TXNL4A: variants seen among roughly 807,000 people sequenced by gnomAD.
The protein encoded by TXNL4A is thioredoxin like 4A, also known as thioredoxin-like protein 4A.
In TXNL4A, 17 loss-of-function variants were observed where a neutral mutation model predicts 14.6. The ratio of observed to expected loss-of-function variants is 1.16; its 90% CI spans 0.80 to 1.74. TXNL4A has a LOEUF of 1.74. Among genes scored for constraint, TXNL4A ranks in the 40% most tolerant of loss-of-function variants. The probability of loss-of-function intolerance (pLI) is 0.00; values close to 1 mark genes in which losing one functional copy is unlikely to be tolerated. For missense variants in TXNL4A, 74 were observed against 195.2 expected (o/e 0.38, Z 3.70); for synonymous variants, 83 against 70.6 (o/e 1.18, Z -0.88).
Position 79,982,484 on chromosome 18 carries a change from G to A in TXNL4A, c.154-4783C>T, listed in dbSNP as rs982426653. On this transcript the variant is annotated intron_variant, in intron 1 of 2. Coordinates refer to ENST00000269601, the MANE Select transcript of TXNL4A (RefSeq NM_006701.5). This position sits in a 1 kb window ranked among gnomAD's most constrained non-coding sequence, Gnocchi z 4.0. ...TACATCCAGCAGTGATCCCAGCCAG[G>A]GTGGCAGGTGCCAGGCTTGGGAGTG... is the stretch of plus-strand genomic sequence containing the variant. Among the ~76,000 whole-genome samples the A allele has an allele frequency of 6.6e-5, 10 of 152,136 alleles. No homozygotes were observed. The highest frequency in any genetic ancestry group is 1.0e-4 in the Non-Finnish European group (7 of 68,022).
chr18:79,975,756 A>G (rs2051369604), intron 2 of TXNL4A, among the ~76,000 whole-genome samples: 2 of 152,138 alleles, frequency 1.3e-5, no homozygotes, highest in South Asian at 2.1e-4. Flanking sequence ...CGGGGTCCGC[A>G]GTTATAGGAA....
rs570318297 is a variant in TXNL4A at position 80,020,459 on chromosome 18, C to T, written c.-61+13392G>A. On this transcript the variant is annotated intron_variant, in intron 1 of 2. Transcript: ENST00000585474. ...ATTCCTCATGGCTAACTCAACCATG[C>T]AACTGCAACTGCTCAGAGGCAAGCT... Among the ~76,000 whole-genome samples the T allele has an allele frequency of 3.9e-5, 6 of 152,316 alleles. No homozygotes were observed. The South Asian group carries it at 1.2e-3, about 32-fold the overall frequency.
At chr18:79,994,299 C>T (rs750836668) in intron 1 of TXNL4A, among the ~76,000 whole-genome samples, 1 of 152,296 alleles carries the variant, frequency 6.6e-6, no homozygotes, top group African/African-American at 2.4e-5. Context: ...ACTAAGAAAC[C>T]GGAATGGGAG....
chr18:79,995,635 GAAC>G (rs1354184383), intron 1 of TXNL4A, among the ~76,000 whole-genome samples: 2 of 152,190 alleles, frequency 1.3e-5, no homozygotes, highest in East Asian at 3.8e-4. Context: ...CAGAACTAAT[GAAC>G]TAGTTAGCTG....
At chr18:80,008,718 A>G (rs1398540140) in intron 1 of TXNL4A, among the ~76,000 whole-genome samples, 1 of 152,028 alleles carries the variant, frequency 6.6e-6, no homozygotes, top group Non-Finnish European at 1.5e-5. Context: ...GGACTGTATG[A>G]GTCTGTCTCA....
chr18:79,988,311 T>C lies in TXNL4A; in HGVS notation c.82A>G (p.Ile28Val). The change falls in exon 1 of 3, where the codon ATC (isoleucine) becomes GTC (valine). Residue 28 changes from isoleucine to valine, a missense_variant. This residue lies in a region of TXNL4A where 55 missense variants were observed against 116.1 expected (regional missense o/e 0.47). Transcript: ENST00000269601. Reference sequence around the variant, plus strand: ...GGATCCCAGTCGTGGCCGAAGCGGATGACGACCACGCGGTCCTCCTCCGAG... The same window carrying C: ...GGATCCCAGTCGTGGCCGAAGCGGACGACGACCACGCGGTCCTCCTCCGAG... Reference protein sequence around the residue: ...ILSEEDRVVVIRFGHDWDPTC... With the variant: ...ILSEEDRVVVVRFGHDWDPTC... 1 of 1,602,976 alleles carries C rather than the reference T, an allele frequency of 6.2e-7. No individual in the cohort carries two copies. Among genetic ancestry groups the C allele is most frequent in the South Asian group, 1.1e-5 (1 of 89,486 alleles).
At chr18:79,989,188 C>T (rs1216225972), upstream of TXNL4A, among the ~76,000 whole-genome samples, 3 of 152,186 alleles carry the variant, frequency 2.0e-5, no homozygotes, top group East Asian at 5.8e-4. Flanking sequence ...GATCTTGGCC[C>T]ACTGCAGCCT....
chr18:80,030,755 C>G (rs1248923772), intron 1 of TXNL4A, among the ~76,000 whole-genome samples: 1 of 152,154 alleles, frequency 6.6e-6, no homozygotes, highest in East Asian at 1.9e-4. Flanking sequence ...CATTTGAGAT[C>G]AGGAGTTTCA....
intron 1 of TXNL4A, among the ~76,000 whole-genome samples, chr18:80,005,069 G>C (rs1419245289): frequency 6.6e-6 from 1 of 152,244 alleles, no homozygotes; most frequent in Non-Finnish European, 1.5e-5. Context: ...AGCCAAACGT[G>C]ACCTAGAGAC....
intron 1 of TXNL4A, among the ~76,000 whole-genome samples, chr18:79,998,105 A>G (rs1456358711): frequency 1.3e-5 from 2 of 152,046 alleles, no homozygotes; most frequent in Non-Finnish European, 2.9e-5. Flanking sequence ...CATTCTGGCT[A>G]ACACGGTGAA....
At chr18:79,989,150 A>C (rs2051605011), upstream of TXNL4A, among the ~76,000 whole-genome samples, 1 of 152,066 alleles carries the variant, frequency 6.6e-6, no homozygotes, top group African/African-American at 2.4e-5. Context: ...AAAGAAAAAA[A>C]ATTTTTTTTT....
rs202234382 is a variant in TXNL4A at position 79,973,668 on chromosome 18, C to T, written c.*17G>A. On this transcript the variant is annotated 3_prime_UTR_variant, in exon 3 of 3. Transcript: ENST00000269601. ...AAAAGGGCTCCACGACATTTATCCG[C>T]GCAGACTGAGGGCGCCTCAGTAGCG... is the stretch of plus-strand genomic sequence containing the variant. The T allele has an allele frequency of 1.3e-4, 212 of 1,601,562 alleles. No individual in the cohort carries two copies. Among genetic ancestry groups the T allele is most frequent in the Admixed American group, 2.6e-4 (15 of 56,624 alleles).
Position 80,011,892 on chromosome 18 carries a change from A to G in TXNL4A, c.-61+21959T>C, listed in dbSNP as rs1457736364. Among the ~76,000 whole-genome samples, 2 of 152,134 alleles carry G rather than the reference A, an allele frequency of 1.3e-5. No individual in the cohort carries two copies. The highest frequency in any genetic ancestry group is 3.9e-4 in the East Asian group (2 of 5,194). On this transcript the variant is annotated intron_variant, in intron 1 of 2. Coordinates refer to the TXNL4A transcript ENST00000585474. The surrounding 1 kb of genome is among the most constrained non-coding windows in gnomAD (Gnocchi z 4.1). ...TTAGACACACGCCTTTGCTCGAGGAAATTCACAGAAACCGAGACTGCTAAA... is the reference window on the plus strand; with the variant it reads ...TTAGACACACGCCTTTGCTCGAGGAGATTCACAGAAACCGAGACTGCTAAA...
Position 79,993,807 on chromosome 18 carries a change from G to A in TXNL4A, c.-60-16106C>T, listed in dbSNP as rs2051642919. Among the ~76,000 whole-genome samples, 2 of 152,306 alleles carry A rather than the reference G, an allele frequency of 1.3e-5. No individual in the cohort carries two copies. The highest frequency in any genetic ancestry group is 4.1e-4 in the South Asian group (2 of 4,822). ...GGAAAGCACCTTAAGACGTGCAACA[G>A]CTCTGAGCTGGTTTTCTCCCCAGAA... is the stretch of plus-strand genomic sequence containing the variant. On this transcript the variant is annotated intron_variant, in intron 1 of 2. Transcript: ENST00000585474. The surrounding 1 kb of genome is among the most constrained non-coding windows in gnomAD (Gnocchi z 4.4).
intron 1 of TXNL4A, among the ~76,000 whole-genome samples, chr18:80,033,541 G>A (rs150148650): frequency 6.6e-6 from 1 of 152,388 alleles, no homozygotes; most frequent in Non-Finnish European, 1.5e-5. Context: ...CAAAGCCCTG[G>A]AGGGCCCAGT....
Position 79,982,781 on chromosome 18 carries a change from CAG to C in TXNL4A, c.154-5082_154-5081del, listed in dbSNP as rs1445502381. 6.6e-6 allele frequency among the ~76,000 whole-genome samples: 1 copy of C among 152,022 alleles called. No homozygotes were observed. The highest frequency in any genetic ancestry group is 2.4e-5 in the African/African-American group (1 of 41,390). ...GATAGGAGAGGCTGAAAGAGGCAGG[CAG>C]AGGGGAGCTCCCCAGCCTCCCACCA... On this transcript the variant is annotated intron_variant, in intron 1 of 2. Coordinates refer to ENST00000269601, the MANE Select transcript of TXNL4A (RefSeq NM_006701.5). This position sits in a 1 kb window ranked among gnomAD's most constrained non-coding sequence, Gnocchi z 4.0.
rs34017581 is a variant in TXNL4A at position 79,977,464 on chromosome 18, G to C, written c.257+134C>G. On this transcript the variant is annotated intron_variant, in intron 2 of 2. Coordinates refer to ENST00000269601, the MANE Select transcript of TXNL4A (RefSeq NM_006701.5). ...TTCAAAGATTCACACTGATTGCCTG[G>C]TGATACAAACGATTTTGGGACATGA... The C allele has an allele frequency of 4.9e-3, 3,441 of 696,068 alleles. 13 individuals are homozygous for C. The highest frequency in any genetic ancestry group is 7.7e-3 in the Non-Finnish European group (3,063 of 396,208). The allele number at this position is 696,068 out of a possible 1,614,324, so 43.1% of individuals were successfully genotyped here.
chr18:80,004,773 C>T (rs1347605101), intron 1 of TXNL4A, among the ~76,000 whole-genome samples: 1 of 152,202 alleles, frequency 6.6e-6, no homozygotes, highest in Non-Finnish European at 1.5e-5. Flanking sequence ...CAAGAAACCA[C>T]AAACAAAACA....
intron 1 of TXNL4A, among the ~76,000 whole-genome samples, chr18:80,017,676 T>C (rs1185019171): frequency 2.7e-5 from 4 of 150,598 alleles, no homozygotes; most frequent in Non-Finnish European, 6.0e-5. Flanking sequence ...TATTGATTTG[T>C]GTATATTGAA....
Sources: allele counts gnomAD v4.1 joint callset (sites outside exome capture counted in the v4.1 genomes callset), GRCh38; gene constraint gnomAD v4.1.1; regional missense constraint gnomAD v4.1.1; non-coding constraint Gnocchi (gnomAD v3.1); transcripts MANE v1.5; gene names NCBI Gene and HGNC (gene_info 2026-07-23, HGNC 2026-07-21).